Variants in VKORC1L1 observed in about 807,000 individuals in gnomAD.
VKORC1L1 encodes vitamin K epoxide reductase complex subunit 1L1.
In VKORC1L1, 2 loss-of-function variants were observed where a neutral mutation model predicts 18.9. That is an observed-to-expected ratio of 0.11 (90% CI 0.04 to 0.33). The LOEUF is 0.33. VKORC1L1 is among the 10% of genes least tolerant of loss of function. VKORC1L1 has a pLI of 1.00. For synonymous variants in VKORC1L1, 96 were observed against 100.0 expected (o/e 0.96, Z 0.24); for missense variants, 123 against 224.1 (o/e 0.55, Z 2.88).
At chr7:65,911,657 T>G (rs1320739982) in intron 1 of VKORC1L1, among the ~76,000 whole-genome samples, 1 of 152,222 alleles carries the variant, frequency 6.6e-6, no homozygotes, top group Non-Finnish European at 1.5e-5. Context: ...AGTCTTGAAC[T>G]CCTGGGCTCA....
At chr7:65,925,501 G>T (rs1283999281) in intron 1 of VKORC1L1, among the ~76,000 whole-genome samples, 1 of 152,168 alleles carries the variant, frequency 6.6e-6, no homozygotes, top group Non-Finnish European at 1.5e-5. Flanking sequence ...GAGTCCATAG[G>T]TACTTGGTGT....
intron 2 of VKORC1L1, among the ~76,000 whole-genome samples, chr7:65,950,146 T>A (rs1372485920): frequency 1.3e-5 from 2 of 152,226 alleles, no homozygotes; most frequent in African/African-American, 4.8e-5. Context: ...TAGTTACACA[T>A]TAGTACCTAT....
chr7:65,921,685 A>G (rs1419609449), intron 1 of VKORC1L1, among the ~76,000 whole-genome samples: 2 of 152,098 alleles, frequency 1.3e-5, no homozygotes, highest in Non-Finnish European at 2.9e-5. Flanking sequence ...CGTCTCTACT[A>G]AAAATACAAA....
chr7:65,919,790 G>T (rs1439263071), intron 1 of VKORC1L1, among the ~76,000 whole-genome samples: 1 of 152,130 alleles, frequency 6.6e-6, no homozygotes, highest in Non-Finnish European at 1.5e-5. Context: ...GGGCGCGGTG[G>T]CTCATGCCTG....
rs372923466 is a variant in VKORC1L1 at position 65,875,186 on chromosome 7, T to G, written c.194+1621T>G. On this transcript the variant is annotated intron_variant, in intron 1 of 2. Coordinates refer to ENST00000360768, the MANE Select transcript of VKORC1L1 (RefSeq NM_173517.6). ...AAATTAAGAAATTTGTTCAATTTGATCAGCCTGTTTATAAACTACTTGCAA... is the reference window on the plus strand; with the variant it reads ...AAATTAAGAAATTTGTTCAATTTGAGCAGCCTGTTTATAAACTACTTGCAA... 5.9e-5 allele frequency among the ~76,000 whole-genome samples: 9 copies of G among 152,336 alleles called. No homozygotes were observed. In the East Asian group the frequency reaches 1.5e-3, roughly 26 times the overall value.
intron 1 of VKORC1L1, among the ~76,000 whole-genome samples, chr7:65,927,258 G>A (rs1046642029): frequency 6.6e-6 from 1 of 151,986 alleles, no homozygotes; most frequent in Non-Finnish European, 1.5e-5. Flanking sequence ...CTGCACTCCA[G>A]CCTGGGCAAC....
intron 1 of VKORC1L1, among the ~76,000 whole-genome samples, chr7:65,875,808 T>G (rs1466763336): frequency 6.6e-6 from 1 of 152,212 alleles, no homozygotes; most frequent in South Asian, 2.1e-4. Flanking sequence ...TACTCAAATA[T>G]GTGACTCTTT....
At chr7:65,882,726 A>G (rs1788948517) in intron 1 of VKORC1L1, among the ~76,000 whole-genome samples, 1 of 152,234 alleles carries the variant, frequency 6.6e-6, no homozygotes, top group South Asian at 2.1e-4. Context: ...CACATTCAGT[A>G]CTATTAGAAC....
intron 1 of VKORC1L1, among the ~76,000 whole-genome samples, chr7:65,909,124 G>C (rs1268381113): frequency 7.1e-6 from 1 of 141,048 alleles, no homozygotes; most frequent in African/African-American, 2.5e-5. Flanking sequence ...TTACAGGCGT[G>C]AGCCACCACG....
upstream of VKORC1L1, among the ~76,000 whole-genome samples, chr7:65,869,028 T>G (rs1583812882): frequency 1.3e-5 from 2 of 152,142 alleles, no homozygotes; most frequent in East Asian, 3.9e-4. Flanking sequence ...ACTTCAAGAG[T>G]AAGTTGTCAA....
intron 1 of VKORC1L1, among the ~76,000 whole-genome samples, chr7:65,874,884 A>G (rs1788800375): frequency 6.6e-6 from 1 of 152,216 alleles, no homozygotes; most frequent in South Asian, 2.1e-4. Context: ...CATACACTCT[A>G]AATATTCTCA....
Position 65,956,158 on chromosome 7 carries a change from T to A in VKORC1L1, c.*1858T>A, listed in dbSNP as rs1184673440. 1 of 152,232 alleles carries A rather than the reference T, an allele frequency of 6.6e-6. No homozygotes were observed. Among genetic ancestry groups the A allele is most frequent in the Non-Finnish European group, 1.5e-5 (1 of 68,048 alleles). The allele number at this position is 152,232 out of a possible 1,614,324, so 9.4% of individuals were successfully genotyped here. On this transcript the variant is annotated 3_prime_UTR_variant, in exon 3 of 3. Coordinates refer to ENST00000360768, the MANE Select transcript of VKORC1L1 (RefSeq NM_173517.6). ...GAAGTAGTTAAAGAACTCTAGAAAG[T>A]ACTGATTGGCCATCTGGTGTCTATG...
At chr7:65,901,497 G>A (rs551714955) in intron 1 of VKORC1L1, among the ~76,000 whole-genome samples, 1 of 152,218 alleles carries the variant, frequency 6.6e-6, no homozygotes, top group Non-Finnish European at 1.5e-5. Flanking sequence ...CAATTTGTAG[G>A]CATTGGGTAA....
rs1303844420 is a variant in VKORC1L1, at chr7:65,955,277, T to TA, written c.*978dup. The TA allele has an allele frequency of 2.6e-5, 4 of 152,038 alleles. No homozygotes were observed. The highest frequency in any genetic ancestry group is 1.3e-4 in the Admixed American group (2 of 15,236). The allele number at this position is 152,038 out of a possible 1,614,324, so 9.4% of individuals were successfully genotyped here. A position where few individuals can be genotyped will look rare whatever the true frequency, so the allele number is the denominator to read the frequency against. On this transcript the variant is annotated 3_prime_UTR_variant, in exon 3 of 3. Transcript: ENST00000360768. ...ACGTTGGTGCCAGTCAAGCAAAGAG[T>TA]ATTATGATGGAAAAGACCAGTCCAA...
chr7:65,866,281 T>C, the VKORC1L1 span, among the ~76,000 whole-genome samples: 2 of 152,124 alleles, frequency 1.3e-5, no homozygotes, highest in South Asian at 4.1e-4. Flanking sequence ...GTGAGCATCT[T>C]GGTGGGGGTT....
At chr7:65,940,622 A>G (rs1349067022) in intron 1 of VKORC1L1, among the ~76,000 whole-genome samples, 1 of 152,166 alleles carries the variant, frequency 6.6e-6, no homozygotes, top group Non-Finnish European at 1.5e-5. Flanking sequence ...CAGGAAGGCA[A>G]GGGCTCCAAG....
At position 65,873,321 on chromosome 7, in the gene VKORC1L1, G is replaced by T; in HGVS notation, c.-51G>T. On this transcript the variant is annotated 5_prime_UTR_variant, in exon 1 of 3. Transcript: ENST00000360768. ...CGGCTGGGTCGGGCCCCGACGGGCG[G>T]CGGCGGCTGAGGTGGAGGCGGAGGG... 1 of 1,351,108 alleles carries T rather than the reference G, an allele frequency of 7.4e-7. No homozygotes were observed. Among genetic ancestry groups the T allele is most frequent in the African/African-American group, 1.5e-5 (1 of 66,178 alleles). The allele number at this position is 1,351,108 out of a possible 1,614,324, so 83.7% of individuals were successfully genotyped here. A position where few individuals can be genotyped will look rare whatever the true frequency, so the allele number is the denominator to read the frequency against.
At position 65,891,649 on chromosome 7, in the gene VKORC1L1, A is replaced by AT. The variant is rs1296154683; in HGVS notation, c.194+18092dup. 3.9e-5 allele frequency among the ~76,000 whole-genome samples: 6 copies of AT among 152,032 alleles called. No individual in the cohort carries two copies. In the South Asian group the frequency reaches 8.3e-4, roughly 21 times the overall value. ...TTAAAGGTGTCTCTTCACTAACAGA[A>AT]TTTTTTTTATTTTTGTTTTTAATTA... On this transcript the variant is annotated intron_variant, in intron 1 of 2. Coordinates refer to ENST00000360768, the MANE Select transcript of VKORC1L1 (RefSeq NM_173517.6).
intron 1 of VKORC1L1, among the ~76,000 whole-genome samples, chr7:65,926,109 A>G (rs906667221): frequency 1.3e-5 from 2 of 149,700 alleles, no homozygotes; most frequent in African/African-American, 4.9e-5. Context: ...GCCACACTCA[A>G]TAAGAATTCT....
Sources: gnomAD v4.1 joint callset for allele counts (sites outside exome capture counted in the v4.1 genomes callset) on GRCh38, gnomAD v4.1.1 for gene constraint, MANE v1.5 for transcripts, NCBI Gene and HGNC (gene_info 2026-07-23, HGNC 2026-07-21) for gene names.